MARCHF10: variants seen among roughly 807,000 people sequenced by gnomAD.
MARCHF10 encodes membrane associated ring-CH-type finger 10.
In MARCHF10, 64 loss-of-function variants were observed where a neutral mutation model predicts 76.2. That is an observed-to-expected ratio of 0.84 (90% confidence interval 0.69 to 1.03). The LOEUF (loss-of-function observed/expected upper bound fraction) is 1.03, where lower values mean the gene tolerates loss of function less well. Among genes scored for constraint, MARCHF10 ranks in the 50% least tolerant of loss-of-function variants. MARCHF10 has a pLI of 0.00. For missense variants in MARCHF10, 875 were observed against 958.0 expected, an observed-to-expected ratio of 0.91 and a Z score of 1.14; for synonymous variants, 340 against 357.5, an observed-to-expected ratio of 0.95 and a Z score of 0.55.
At position 62,800,348 on chromosome 17, in the gene MARCHF10, C is replaced by G. The variant is rs987887629; in HGVS notation, c.90+1298G>C. On this transcript the variant is annotated intron_variant, in intron 2 of 10. Coordinates refer to ENST00000311269, the MANE Select transcript of MARCHF10 (RefSeq NM_152598.4). Reference sequence around the variant, plus strand: ...TTCTGGAGACAATTTCAAACAGGAGCCGGGTGGCAGAGGCATCTTTGTGAA... The same window carrying G: ...TTCTGGAGACAATTTCAAACAGGAGGCGGGTGGCAGAGGCATCTTTGTGAA... Among the ~76,000 whole-genome samples the G allele has an allele frequency of 1.2e-4, 19 of 152,252 alleles. No individual in the cohort carries two copies. In the East Asian group the frequency reaches 3.7e-3, roughly 29 times the overall value.
In MARCHF10 at chr17:62,738,099, C is replaced by CACACACACACA. The variant is rs891701478; in HGVS notation, c.536-768_536-767insTGTGTGTGTGT. On this transcript the variant is annotated intron_variant, in intron 5 of 10. Transcript: ENST00000311269. The surrounding 1 kb of genome is among the most constrained non-coding windows in gnomAD (Gnocchi z 4.0). ...ACACACACACACACACACACACACA[C>CACACACACACA]AACTTAAGCCTCACAACCCTGTGAA... Among the ~76,000 whole-genome samples, 11 of 151,258 alleles carry CACACACACACA rather than the reference C, an allele frequency of 7.3e-5. No individual in the cohort carries two copies. The highest frequency in any genetic ancestry group is 4.0e-4 in the Admixed American group (6 of 15,182).
intron 2 of MARCHF10, among the ~76,000 whole-genome samples, chr17:62,793,820 A>G (rs1330325467): frequency 9.2e-6 from 1 of 108,374 alleles, no homozygotes; most frequent in Admixed American, 8.8e-5. Flanking sequence ...ACCACCACCA[A>G]CACCTCCATC....
Position 62,788,619 on chromosome 17 carries a change from A to C in MARCHF10, c.91-20T>G, listed in dbSNP as rs1396412109. On this transcript the variant is annotated intron_variant, in intron 2 of 10. Transcript: ENST00000311269. Reference sequence around the variant, plus strand: ...ACAAGCCTGAAGAACAACAACAATAAAATGTTTGTCTTAGGACCATGGCAA... The same window carrying C: ...ACAAGCCTGAAGAACAACAACAATACAATGTTTGTCTTAGGACCATGGCAA... The C allele has an allele frequency of 6.2e-7, 1 of 1,613,556 alleles. No individual in the cohort carries two copies. Among genetic ancestry groups the C allele is most frequent in the Non-Finnish European group, 8.5e-7 (1 of 1,179,924 alleles).
chr17:62,770,947 C>T (rs1597974530), intron 3 of MARCHF10, among the ~76,000 whole-genome samples: 1 of 150,696 alleles, frequency 6.6e-6, no homozygotes, highest in South Asian at 2.1e-4. Flanking sequence ...CCTCTGCCTC[C>T]CAGGTTCAAG....
At chr17:62,784,864 G>A (rs1247305803) in intron 3 of MARCHF10, among the ~76,000 whole-genome samples, 5 of 152,126 alleles carry the variant, frequency 3.3e-5, no homozygotes, top group Admixed American at 6.5e-5. Context: ...ACTGTTCAAC[G>A]AAATAAAAGA....
At chr17:62,723,352 T>C (rs546396459) in intron 7 of MARCHF10, among the ~76,000 whole-genome samples, 1 of 151,736 alleles carries the variant, frequency 6.6e-6, no homozygotes, top group African/African-American at 2.4e-5. Flanking sequence ...GGCTTTTGAC[T>C]AATGATGTAC....
chr17:62,774,470 G>C (rs2148029618), intron 3 of MARCHF10, among the ~76,000 whole-genome samples: 1 of 152,322 alleles, frequency 6.6e-6, no homozygotes, highest in Middle Eastern at 3.4e-3. Context: ...TCGGTGGACA[G>C]TGTTTCCACC....
chr17:62,723,324 T>G (rs994547265), intron 7 of MARCHF10, among the ~76,000 whole-genome samples: 1 of 151,262 alleles, frequency 6.6e-6, no homozygotes, highest in Non-Finnish European at 1.5e-5. Context: ...TGCCAGACAG[T>G]TTCTCCCCCT....
rs892672636 is a variant in MARCHF10, at chr17:62,711,936, C to T, written c.2215-592G>A. Among the ~76,000 whole-genome samples, 20 of 152,190 alleles carry T rather than the reference C, an allele frequency of 1.3e-4. No individual in the cohort carries two copies. Among genetic ancestry groups the T allele is most frequent in the Admixed American group, 3.3e-4 (5 of 15,280 alleles). Reference sequence around the variant, plus strand: ...CACCTTTTGCACTTGTTAACGTTTCCGCTTTCTCTTGAGGAGTGGGCTGTG... The same window carrying T: ...CACCTTTTGCACTTGTTAACGTTTCTGCTTTCTCTTGAGGAGTGGGCTGTG... On this transcript the variant is annotated intron_variant, in intron 8 of 10. Transcript: ENST00000311269. The surrounding 1 kb of genome is among the most constrained non-coding windows in gnomAD (Gnocchi z 4.4).
intron 6 of MARCHF10, among the ~76,000 whole-genome samples, chr17:62,731,895 GGAAA>G (rs987178253): frequency 1.3e-5 from 2 of 152,206 alleles, no homozygotes; most frequent in Admixed American, 6.5e-5. Flanking sequence ...CATAGAGTTT[GGAAA>G]GAAAGAAATC....
intron 2 of MARCHF10, among the ~76,000 whole-genome samples, chr17:62,792,867 A>C (rs1305216409): frequency 1.0e-5 from 1 of 99,176 alleles, no homozygotes; most frequent in Admixed American, 1.0e-4. Context: ...AACCATCACC[A>C]CCCATCACCA....
At chr17:62,702,615 G>A (rs1208093444) in intron 10 of MARCHF10, among the ~76,000 whole-genome samples, 1 of 152,022 alleles carries the variant, frequency 6.6e-6, no homozygotes, top group Non-Finnish European at 1.5e-5. Flanking sequence ...GCAGTGAGCC[G>A]AGATCGTGCC....
intron 4 of MARCHF10, among the ~76,000 whole-genome samples, chr17:62,745,396 G>A (rs1046664376): frequency 6.6e-6 from 1 of 152,116 alleles, no homozygotes; most frequent in Non-Finnish European, 1.5e-5. Flanking sequence ...GAGCCACTGC[G>A]CCCAGCCTTG....
chr17:62,765,350 T>TC lies in MARCHF10; in HGVS notation c.211-5345dup, dbSNP rs1395786785. On this transcript the variant is annotated intron_variant, in intron 3 of 10. Coordinates refer to ENST00000311269, the MANE Select transcript of MARCHF10 (RefSeq NM_152598.4). The stretch of plus-strand genomic sequence containing the variant: ...CTGGGCAACAGAGCAGGACTCTGTC[T>TC]CAAAAAAAAAAAAAAAAAAAAAAAA... 8.5e-3 allele frequency among the ~76,000 whole-genome samples: 357 copies of TC among 42,224 alleles called. 2 individuals carry two copies. Among genetic ancestry groups the TC allele is most frequent in the African/African-American group, 0.047 (343 of 7,288 alleles). 27.7% of individuals were successfully genotyped at this position (42,224 alleles called of 152,430 possible).
intron 6 of MARCHF10, among the ~76,000 whole-genome samples, chr17:62,731,895 G>A (rs945133905): frequency 6.6e-6 from 1 of 152,088 alleles, no homozygotes; most frequent in Non-Finnish European, 1.5e-5. Context: ...CATAGAGTTT[G>A]GAAAGAAAGA....
At chr17:62,772,613 T>C (rs1370223551) in intron 3 of MARCHF10, among the ~76,000 whole-genome samples, 6 of 152,144 alleles carry the variant, frequency 3.9e-5, no homozygotes, top group Non-Finnish European at 8.8e-5. Flanking sequence ...AATGTAGGCC[T>C]GGGAGTCATT....
intron 2 of MARCHF10, among the ~76,000 whole-genome samples, chr17:62,797,042 A>G (rs1403758981): frequency 6.6e-6 from 1 of 152,124 alleles, no homozygotes; most frequent in Non-Finnish European, 1.5e-5. Context: ...AAAAAAGACA[A>G]TTTGCAATGC....
chr17:62,768,557 T>C (rs1289334304), intron 3 of MARCHF10, among the ~76,000 whole-genome samples: 1 of 152,212 alleles, frequency 6.6e-6, no homozygotes, highest in Non-Finnish European at 1.5e-5. Context: ...TACTTAACAA[T>C]ACCTTGCAGC....
intron 6 of MARCHF10, among the ~76,000 whole-genome samples, chr17:62,727,670 G>T (rs2090828192): frequency 6.6e-6 from 1 of 152,102 alleles, no homozygotes; most frequent in Non-Finnish European, 1.5e-5. Flanking sequence ...GACCAAAAAA[G>T]AAAATTAAAT....
Sources: gnomAD v4.1 joint callset for allele counts (sites outside exome capture counted in the v4.1 genomes callset) on GRCh38, gnomAD v4.1.1 for gene constraint, Gnocchi (gnomAD v3.1) non-coding constraint, MANE v1.5 for transcripts, NCBI Gene and HGNC (gene_info 2026-07-23, HGNC 2026-07-21) for gene names.